The following ZNF846 variants were observed in gnomAD, a reference collection of about 807,000 sequenced individuals.
The protein encoded by ZNF846 is zinc finger protein 420 pseudogene.
Under a neutral mutation model 16.0 loss-of-function variants are expected in ZNF846, and 15 were observed. That is an observed-to-expected ratio of 0.94 (90% CI 0.63 to 1.45). ZNF846 has a LOEUF of 1.45. Among genes scored for constraint, ZNF846 ranks in the 40% most tolerant of loss-of-function variants. The probability of loss-of-function intolerance (pLI) is 0.00; values close to 1 mark genes in which losing one functional copy is unlikely to be tolerated. For missense variants in ZNF846, 714 were observed against 622.3 expected (o/e 1.15, Z -1.57); for synonymous variants, 229 against 212.0 (o/e 1.08, Z -0.70).
upstream of ZNF846, among the ~76,000 whole-genome samples, chr19:9,771,496 C>T (rs1343306219): frequency 6.6e-6 from 1 of 152,108 alleles, no homozygotes; most frequent in African/African-American, 2.4e-5. Context: ...TTATATCATT[C>T]TTATGCCTTT....
intron 3 of ZNF846, chr19:9,762,384 C>A: frequency 2.4e-6 from 1 of 423,398 alleles, no homozygotes; most frequent in South Asian, 2.6e-5. Context: ...ATGCCTCATA[C>A]CTCAGCACTT....
downstream of ZNF846, among the ~76,000 whole-genome samples, chr19:9,752,635 A>G (rs1233978159): frequency 7.1e-6 from 1 of 140,684 alleles, no homozygotes; most frequent in African/African-American, 2.8e-5. Flanking sequence ...AAAAAAAAAA[A>G]TTCTTATTGC....
At chr19:9,757,722 C>G (rs370866492) in exon 6 of ZNF846, 1 of 1,613,386 alleles carries the variant, frequency 6.2e-7, no homozygotes, top group South Asian at 1.1e-5. Context: ...GCATTCCTTA[C>G]ATTCACAGGC....
At chr19:9,761,934 G>C in intron 4 of ZNF846, 148 bp downstream of exon 4, 1 of 580,042 alleles carries the variant, frequency 1.7e-6, no homozygotes, top group Middle Eastern at 3.9e-4. Flanking sequence ...GAGGGGAGTT[G>C]AAAGTATCTA....
At chr19:9,771,453 C>T (rs562462818), upstream of ZNF846, among the ~76,000 whole-genome samples, 3 of 152,324 alleles carry the variant, frequency 2.0e-5, no homozygotes, top group Non-Finnish European at 2.9e-5. Flanking sequence ...GCTGGGATAA[C>T]AGGCGTGAGC....
At chr19:9,762,453 C>A in intron 3 of ZNF846, 1 of 260,470 alleles carries the variant, frequency 3.8e-6, no homozygotes, top group Non-Finnish European at 7.4e-6. Flanking sequence ...GCCTGGCCAA[C>A]GTGGTGAAAC....
chr19:9,772,048 G>A (rs748234898), upstream of ZNF846, among the ~76,000 whole-genome samples: 11 of 151,996 alleles, frequency 7.2e-5, no homozygotes, highest in Non-Finnish European at 1.2e-4. Context: ...ATACAGGTGT[G>A]AGCCACCATG....
downstream of ZNF846, chr19:9,756,559 T>C (rs2045139059): frequency 6.6e-6 from 1 of 150,992 alleles, no homozygotes; most frequent in East Asian, 1.9e-4. Flanking sequence ...CATCTTAAAT[T>C]GATGAGGTTT....
downstream of ZNF846, among the ~76,000 whole-genome samples, chr19:9,750,030 G>A (rs60827439): frequency 0.023 from 3,545 of 151,864 alleles, 121 homozygotes; most frequent in African/African-American, 0.078. Flanking sequence ...CAGCCTACTG[G>A]AATCCCTTTA....
At chr19:9,783,358 G>C (rs931992584) in intron 1 of ZNF846, among the ~76,000 whole-genome samples, 2 of 143,738 alleles carry the variant, frequency 1.4e-5, no homozygotes, top group Admixed American at 1.5e-4. Flanking sequence ...AGCCTCCCTA[G>C]TAGCTGGGAT....
At chr19:9,751,642 ATGTACTTTGTAACATCCTCCCCGCCCT>A (rs1370273070), downstream of ZNF846, among the ~76,000 whole-genome samples, 3 of 151,986 alleles carry the variant, frequency 2.0e-5, no homozygotes, top group Non-Finnish European at 4.4e-5. Context: ...GCCCTTGTGA[ATGTACTTTGTAACATCCTCCCCGCCCT>A]TGTGAATGCA....
chr19:9,749,567 T>A (rs933481931), downstream of ZNF846, among the ~76,000 whole-genome samples: 4 of 122,476 alleles, frequency 3.3e-5, no homozygotes, highest in East Asian at 8.2e-4. Context: ...TTTTTTTTTT[T>A]ACTTTTCTAC....
chr19:9,778,803 C>CAAAAAAAA (rs56001426), intron 1 of ZNF846, among the ~76,000 whole-genome samples: 1 of 51,368 alleles, frequency 1.9e-5, no homozygotes, highest in Non-Finnish European at 4.1e-5. Flanking sequence ...AAACTCGTCT[C>CAAAAAAAA]AAAAAAAAAA....
At chr19:9,777,355 T>A (rs1008747966) in intron 1 of ZNF846, among the ~76,000 whole-genome samples, 4 of 150,402 alleles carry the variant, frequency 2.7e-5, no homozygotes, top group Non-Finnish European at 5.9e-5. Flanking sequence ...CAAAAGAAAA[T>A]TAAAAACAAT....
At chr19:9,767,643 T>C (rs1414680825) in intron 1 of ZNF846, among the ~76,000 whole-genome samples, 4 of 151,676 alleles carry the variant, frequency 2.6e-5, no homozygotes, top group African/African-American at 9.7e-5. Flanking sequence ...AATAAAAATA[T>C]ATGAGGGGGA....
chr19:9,751,297 T>A (rs1172167629), downstream of ZNF846, among the ~76,000 whole-genome samples: 1 of 152,146 alleles, frequency 6.6e-6, no homozygotes, highest in African/African-American at 2.4e-5. Context: ...CTAATCCTGC[T>A]CAAAGCAGCC....
At chr19:9,759,968 T>G (rs1242715639) in intron 4 of ZNF846, 26 bp from the exon 5 acceptor site, 2 of 1,589,732 alleles carry the variant, frequency 1.3e-6, no homozygotes, top group African/African-American at 2.7e-5. Flanking sequence ...AAATGCAGCT[T>G]GGGAGAAAAA....
chr19:9,762,182 T>C lies in ZNF846; in HGVS notation c.143-14A>G, dbSNP rs1210184901. The C allele has an allele frequency of 6.2e-7, 1 of 1,610,590 alleles. No individual in the cohort carries two copies. Among genetic ancestry groups the C allele is most frequent in the Non-Finnish European group, 8.5e-7 (1 of 1,177,010 alleles). ...ATTCAGACCCTGCTGGAGGGAAAAA[T>C]GCACAAAAGAAGAGGCCCATGCAAG... On this transcript the variant is annotated splice_polypyrimidine_tract_variant and intron_variant, in intron 3 of 5. Transcript: ENST00000397902.
chr19:9,756,204 C>T (rs2045132301), downstream of ZNF846: 1 of 149,996 alleles, frequency 6.7e-6, no homozygotes, highest in Non-Finnish European at 1.5e-5. Context: ...TATAGTAAGA[C>T]TTGTAAAATG....
Sources: allele counts gnomAD v4.1 joint callset (sites outside exome capture counted in the v4.1 genomes callset), GRCh38; gene constraint gnomAD v4.1.1; transcripts MANE v1.5; gene names NCBI Gene and HGNC (gene_info 2026-07-23, HGNC 2026-07-21).